The following TMED3 variants were observed in gnomAD, a reference collection of about 807,000 sequenced individuals.
TMED3 encodes the protein transmembrane emp24 domain-containing protein 3.
TMED3 carries 9 observed loss-of-function variants against 15.0 expected under a neutral mutation model. That is an observed-to-expected ratio of 0.60 (90% CI 0.36 to 1.04). The LOEUF (loss-of-function observed/expected upper bound fraction) is 1.04, where lower values mean the gene tolerates loss of function less well. Among genes scored for constraint, TMED3 ranks in the 50% least tolerant of loss-of-function variants. TMED3 has a pLI of 0.01. For synonymous variants in TMED3, 117 were observed against 121.4 expected (o/e 0.96, Z 0.24); for missense variants, 267 against 278.9 (o/e 0.96, Z 0.30).
chr15:79,346,961 A>G (rs1290539567), intron 2 of TMED3, among the ~76,000 whole-genome samples: 2 of 152,206 alleles, frequency 1.3e-5, no homozygotes, highest in African/African-American at 4.8e-5. Flanking sequence ...TACAAAGACG[A>G]TCTGGTAGCA....
chr15:79,401,757 G>A (rs1567040704), intron 2 of TMED3, among the ~76,000 whole-genome samples: 1 of 152,164 alleles, frequency 6.6e-6, no homozygotes, highest in Non-Finnish European at 1.5e-5. Flanking sequence ...AGAAACGAGG[G>A]TGGAAGAATC....
chr15:79,351,213 A>T (rs1033827598), intron 2 of TMED3, among the ~76,000 whole-genome samples: 1 of 152,208 alleles, frequency 6.6e-6, no homozygotes, highest in Non-Finnish European at 1.5e-5. Context: ...TCAGGTGACC[A>T]TGGGCAAGCC....
At chr15:79,357,030 G>A (rs1278312720) in intron 2 of TMED3, among the ~76,000 whole-genome samples, 1 of 106,034 alleles carries the variant, frequency 9.4e-6, no homozygotes, top group Non-Finnish European at 2.0e-5. Flanking sequence ...AAAATAAAAA[G>A]AATATACACA....
intron 2 of TMED3, among the ~76,000 whole-genome samples, chr15:79,353,204 T>TTTTGTGTCTTTC (rs1595897219): frequency 3.7e-5 from 3 of 81,410 alleles, no homozygotes; most frequent in East Asian, 3.3e-4. Flanking sequence ...ATATATAAAA[T>TTTTGTGTCTTTC]ATATATTATA....
intron 2 of TMED3, among the ~76,000 whole-genome samples, chr15:79,332,434 G>T (rs184899794): frequency 6.6e-6 from 1 of 152,376 alleles, no homozygotes; most frequent in East Asian, 1.9e-4. Context: ...TGAGTTAAAA[G>T]TGGGAGTAGA....
chr15:79,380,583 A>T (rs981688529), intron 2 of TMED3, among the ~76,000 whole-genome samples: 28 of 92,326 alleles, frequency 3.0e-4, no homozygotes, highest in Non-Finnish European at 4.4e-4. Flanking sequence ...ATATAGTTTT[A>T]TATATATATA....
chr15:79,323,255 C>G (rs144994658), downstream of TMED3, among the ~76,000 whole-genome samples: 763 of 152,272 alleles, frequency 5.0e-3, 2 homozygotes, highest in Middle Eastern at 0.014. Flanking sequence ...AATCAGATGT[C>G]TGTGCAGTAG....
At chr15:79,355,332 T>G (rs2058914625) in intron 2 of TMED3, among the ~76,000 whole-genome samples, 1 of 151,796 alleles carries the variant, frequency 6.6e-6, no homozygotes, top group Non-Finnish European at 1.5e-5. Context: ...AACCTGGAGG[T>G]GGTGGGAGTG....
chr15:79,340,492 A>G (rs2058847707), intron 2 of TMED3, among the ~76,000 whole-genome samples: 1 of 152,206 alleles, frequency 6.6e-6, no homozygotes, highest in Non-Finnish European at 1.5e-5. Flanking sequence ...TAAATTCCTG[A>G]TCCATTGAGA....
At chr15:79,358,804 C>T (rs189876173) in intron 2 of TMED3, among the ~76,000 whole-genome samples, 26 of 152,246 alleles carry the variant, frequency 1.7e-4, no homozygotes, top group Admixed American at 1.7e-3. Context: ...AATGGCTGGG[C>T]CTATTTGCTC....
At chr15:79,382,882 A>T in intron 2 of TMED3, 1 of 1,306,712 alleles carries the variant, frequency 7.7e-7, no homozygotes, top group Non-Finnish European at 1.1e-6. Flanking sequence ...ATCTCATACT[A>T]TTGTTCTTAC....
chr15:79,350,223 G>A (rs2141233321), intron 2 of TMED3, among the ~76,000 whole-genome samples: 1 of 152,304 alleles, frequency 6.6e-6, no homozygotes, highest in Non-Finnish European at 1.5e-5. Context: ...GATGGATTAT[G>A]AATGTGTTAG....
At chr15:79,375,983 G>A (rs564143856) in intron 2 of TMED3, among the ~76,000 whole-genome samples, 1 of 151,834 alleles carries the variant, frequency 6.6e-6, no homozygotes, top group Non-Finnish European at 1.5e-5. Flanking sequence ...GGTTAGAGTT[G>A]GGATTATTTA....
intron 2 of TMED3, chr15:79,384,444 G>C (rs1893595373): frequency 6.6e-6 from 1 of 151,616 alleles, no homozygotes; most frequent in Admixed American, 6.6e-5. Context: ...TTATGCAGCT[G>C]GGGGAGTCTA....
intron 2 of TMED3, among the ~76,000 whole-genome samples, chr15:79,341,458 A>G (rs533957939): frequency 1.1e-4 from 17 of 152,270 alleles, no homozygotes; most frequent in Non-Finnish European, 2.4e-4. Flanking sequence ...TACAAATCCC[A>G]TAAGAGGGAG....
intron 2 of TMED3, among the ~76,000 whole-genome samples, chr15:79,346,479 A>G (rs1264289112): frequency 6.6e-6 from 1 of 152,194 alleles, no homozygotes; most frequent in Non-Finnish European, 1.5e-5. Context: ...CTTACCTGCC[A>G]CCATATATAT....
In TMED3 at chr15:79,311,817, G is replaced by T. The variant is rs543734235; in HGVS notation, c.168+400G>T. Reference sequence around the variant, plus strand: ...TTGTGCCTTCGAGTACTGAAAAATGGCAGCAAGAGGAAGTGGGCTCATAGT... The same window carrying T: ...TTGTGCCTTCGAGTACTGAAAAATGTCAGCAAGAGGAAGTGGGCTCATAGT... On this transcript the variant is annotated intron_variant, in intron 1 of 2. Coordinates refer to ENST00000299705, the MANE Select transcript of TMED3 (RefSeq NM_007364.4). Among the ~76,000 whole-genome samples the T allele has an allele frequency of 5.3e-5, 8 of 152,238 alleles. 1 individual carries two copies. The South Asian group carries it at 1.7e-3, about 32-fold the overall frequency.
chr15:79,370,877 A>G (rs1032724310), intron 2 of TMED3, among the ~76,000 whole-genome samples: 15 of 152,162 alleles, frequency 9.9e-5, no homozygotes, highest in African/African-American at 3.1e-4. Context: ...CATGTCTGGC[A>G]TTTCTCCTTT....
chr15:79,336,296 A>G (rs1418308148), intron 2 of TMED3, among the ~76,000 whole-genome samples: 1 of 152,156 alleles, frequency 6.6e-6, no homozygotes, highest in Non-Finnish European at 1.5e-5. Flanking sequence ...TTAAAACATC[A>G]AAAAGCTAGG....
Sources: allele counts gnomAD v4.1 joint callset (sites outside exome capture counted in the v4.1 genomes callset), GRCh38; gene constraint gnomAD v4.1.1; transcripts MANE v1.5; gene names NCBI Gene and HGNC (gene_info 2026-07-23, HGNC 2026-07-21).